DYNC2H1: variants seen among roughly 807,000 people sequenced by gnomAD.
DYNC2H1 encodes the protein dynein cytoplasmic 2 heavy chain 1.
DYNC2H1 carries 410 observed loss-of-function variants against 570.0 expected under a neutral mutation model. The observed-to-expected ratio is 0.72, with a 90% CI of 0.66 to 0.78. The LOEUF (loss-of-function observed/expected upper bound fraction) is 0.78, where lower values mean the gene tolerates loss of function less well. Among genes scored for constraint, DYNC2H1 ranks in the 30% least tolerant of loss-of-function variants. The pLI is 0.00. For synonymous variants in DYNC2H1, 1,688 were observed against 1,677.6 expected (o/e 1.01, Z -0.15); for missense variants, 4,865 against 5,046.4 (o/e 0.96, Z 1.09).
In DYNC2H1 at chr11:103,154,607, G is replaced by T; in HGVS notation, c.3458+1G>T. ...CCAATGAAGACTGGATCACTTTTCG[G>T]TTTGATTCAAAAACAATATTTAGAC... On this transcript the variant is annotated splice_donor_variant, in intron 23 of 88. Coordinates refer to ENST00000375735, the MANE Select transcript of DYNC2H1 (RefSeq NM_001377.3). LOFTEE classifies it high-confidence loss of function. 1 of 1,589,380 alleles carries T rather than the reference G, an allele frequency of 6.3e-7. No individual in the cohort carries two copies. Among genetic ancestry groups the T allele is most frequent in the Non-Finnish European group, 8.5e-7 (1 of 1,170,312 alleles).
At chr11:103,166,659 T>C (rs1861316514) in intron 31 of DYNC2H1, among the ~76,000 whole-genome samples, 1 of 152,192 alleles carries the variant, frequency 6.6e-6, no homozygotes, top group Non-Finnish European at 1.5e-5. Context: ...ATCTGAGCTA[T>C]ATGTTTTCTG....
At chr11:103,421,883 G>GA (rs1451198775) in intron 84 of DYNC2H1, among the ~76,000 whole-genome samples, 2 of 140,540 alleles carry the variant, frequency 1.4e-5, no homozygotes, top group African/African-American at 2.6e-5. Context: ...AAAGCCTTTA[G>GA]AAAAAAATCA....
chr11:103,371,016 A>G (rs1454016973), intron 83 of DYNC2H1, among the ~76,000 whole-genome samples: 1 of 152,164 alleles, frequency 6.6e-6, no homozygotes, highest in Non-Finnish European at 1.5e-5. Flanking sequence ...GGGACCTTTC[A>G]GACAGAGAAT....
chr11:103,117,468 T>C (rs1858469104), intron 5 of DYNC2H1, among the ~76,000 whole-genome samples, 163 bp from the exon 6 acceptor site: 1 of 151,814 alleles, frequency 6.6e-6, no homozygotes, highest in Non-Finnish European at 1.5e-5. Flanking sequence ...TTAAAAATAT[T>C]TGTTACTGAG....
chr11:103,278,562 G>C (rs11225647), intron 70 of DYNC2H1, among the ~76,000 whole-genome samples: 16,500 of 152,012 alleles, frequency 0.11, 1,043 homozygotes, highest in East Asian at 0.22. Flanking sequence ...GACCTGTGTG[G>C]GTTCTTTTTT....
At chr11:103,156,119 G>A (rs1478042911) in intron 25 of DYNC2H1, among the ~76,000 whole-genome samples, 1 of 151,876 alleles carries the variant, frequency 6.6e-6, no homozygotes, top group South Asian at 2.1e-4. Context: ...TTAATTTTTT[G>A]CTTTTCTTTT....
chr11:103,402,059 A>G (rs1942667507), intron 84 of DYNC2H1: 1 of 152,158 alleles, frequency 6.6e-6, no homozygotes, highest in South Asian at 2.1e-4. Flanking sequence ...TCTGAGATTT[A>G]TAGGAGGGTG....
chr11:103,125,793 C>G (rs1858966860), intron 12 of DYNC2H1, among the ~76,000 whole-genome samples: 1 of 152,220 alleles, frequency 6.6e-6, no homozygotes, highest in African/African-American at 2.4e-5. Context: ...CCCAACTAAA[C>G]TGACTGGTTT....
At chr11:103,428,813 T>G (rs973603709) in intron 84 of DYNC2H1, among the ~76,000 whole-genome samples, 8 of 152,154 alleles carry the variant, frequency 5.3e-5, no homozygotes, top group African/African-American at 1.7e-4. Flanking sequence ...TATATCAATT[T>G]TTTTTTCTTT....
rs1172370034 is a variant in DYNC2H1 at position 103,446,539 on chromosome 11, G to GT, written c.12457-8644dup. On this transcript the variant is annotated intron_variant, in intron 85 of 88. Transcript: ENST00000375735. This position sits in a 1 kb window ranked among gnomAD's most constrained non-coding sequence, Gnocchi z 4.5. ...AAAGAATGAAAGCCTGGTCATATGA[G>GT]TTTAAAAAAGAATAAGGGGTGAAGT... is the stretch of plus-strand genomic sequence containing the variant. Among the ~76,000 whole-genome samples, 3 of 152,136 alleles carry GT rather than the reference G, an allele frequency of 2.0e-5. No homozygotes were observed. Among genetic ancestry groups the GT allele is most frequent in the African/African-American group, 7.2e-5 (3 of 41,440 alleles).
intron 70 of DYNC2H1, among the ~76,000 whole-genome samples, chr11:103,265,864 A>G (rs1360312785): frequency 1.3e-5 from 2 of 151,996 alleles, no homozygotes; most frequent in African/African-American, 4.8e-5. Context: ...TATTCTATTT[A>G]ATGACATTGA....
intron 84 of DYNC2H1, among the ~76,000 whole-genome samples, chr11:103,411,539 G>GA (rs910148202): frequency 1.7e-4 from 25 of 145,714 alleles, no homozygotes; most frequent in East Asian, 8.1e-4. Flanking sequence ...ATAAACACTT[G>GA]AAAAAAAAAG....
At chr11:103,358,744 T>C (rs1414285974) in intron 83 of DYNC2H1, among the ~76,000 whole-genome samples, 2 of 152,158 alleles carry the variant, frequency 1.3e-5, no homozygotes, top group Non-Finnish European at 2.9e-5. Context: ...TCTAATGATT[T>C]TCCCAATTCA....
chr11:103,284,401 A>G (rs1866267758), intron 73 of DYNC2H1, among the ~76,000 whole-genome samples: 1 of 152,172 alleles, frequency 6.6e-6, no homozygotes. Flanking sequence ...TTTTGTTCAT[A>G]CCAGTGGAAT....
Position 103,465,580 on chromosome 11 carries a change from C to T in DYNC2H1, c.12649-3009C>T, listed in dbSNP as rs1333230055. On this transcript the variant is annotated intron_variant, in intron 87 of 88. Coordinates refer to ENST00000375735, the MANE Select transcript of DYNC2H1 (RefSeq NM_001377.3). This position sits in a 1 kb window ranked among gnomAD's most constrained non-coding sequence, Gnocchi z 4.9. ...AATTCTGTGGGTTGCCTAGTAGATCCTTTGCTGATTTACTCAGACCCACTC... is the reference window on the plus strand; with the variant it reads ...AATTCTGTGGGTTGCCTAGTAGATCTTTTGCTGATTTACTCAGACCCACTC... 1.3e-5 allele frequency among the ~76,000 whole-genome samples: 2 copies of T among 152,056 alleles called. No homozygotes were observed. The highest frequency in any genetic ancestry group is 1.5e-5 in the Non-Finnish European group (1 of 68,012).
intron 17 of DYNC2H1, among the ~76,000 whole-genome samples, chr11:103,138,362 G>T (rs548952074): frequency 6.6e-6 from 1 of 152,020 alleles, no homozygotes; most frequent in Non-Finnish European, 1.5e-5. Flanking sequence ...TTGGCTGTGG[G>T]TTTGTCATAG....
intron 74 of DYNC2H1, 68 bp from the exon 75 acceptor site, chr11:103,287,465 A>G: frequency 8.3e-7 from 1 of 1,209,606 alleles, no homozygotes; most frequent in South Asian, 1.4e-5. Flanking sequence ...AGTTAACATT[A>G]ATTATTGTTT....
chr11:103,331,088 T>C (rs1488688892), intron 82 of DYNC2H1, among the ~76,000 whole-genome samples: 1 of 152,206 alleles, frequency 6.6e-6, no homozygotes, highest in Non-Finnish European at 1.5e-5. Context: ...GAGATGCAGT[T>C]GCCTAAAAAG....
intron 28 of DYNC2H1, among the ~76,000 whole-genome samples, chr11:103,159,644 T>A (rs923116411): frequency 7.2e-5 from 11 of 152,134 alleles, no homozygotes; most frequent in African/African-American, 2.7e-4. Context: ...ATAGGTTTAT[T>A]ACCAAAATAA....
Sources: allele counts gnomAD v4.1 joint callset (sites outside exome capture counted in the v4.1 genomes callset), GRCh38; gene constraint gnomAD v4.1.1; non-coding constraint Gnocchi (gnomAD v3.1); transcripts MANE v1.5; gene names NCBI Gene and HGNC (gene_info 2026-07-23, HGNC 2026-07-21).